MCTP1: variants seen among roughly 807,000 people sequenced by gnomAD.
MCTP1 encodes multiple C2 and transmembrane domain-containing protein 1.
A neutral mutation model predicts 120.6 loss-of-function variants in MCTP1; 69 were observed. That is an observed-to-expected ratio of 0.57 (90% CI 0.47 to 0.70). MCTP1 has a LOEUF of 0.70. Among genes scored for constraint, MCTP1 ranks in the 30% least tolerant of loss-of-function variants. MCTP1 has a pLI of 0.00. For missense variants in MCTP1, 1,203 were observed against 1,248.8 expected, an observed-to-expected ratio of 0.96 and a Z score of 0.55; for synonymous variants, 529 against 493.1, an observed-to-expected ratio of 1.07 and a Z score of -0.96.
At chr5:94,817,074 C>A (rs891441911) in intron 17 of MCTP1, among the ~76,000 whole-genome samples, 18 of 152,148 alleles carry the variant, frequency 1.2e-4, no homozygotes, top group Non-Finnish European at 1.8e-4. Flanking sequence ...CTTATCATCT[C>A]AAACCTTCAA....
intron 2 of MCTP1, among the ~76,000 whole-genome samples, chr5:94,976,349 G>A (rs1828105951): frequency 6.6e-6 from 1 of 152,120 alleles, no homozygotes; most frequent in South Asian, 2.1e-4. Flanking sequence ...TACTAGGGAG[G>A]CTGAGGCAGG....
At chr5:94,938,429 G>C (rs1240529566) in intron 5 of MCTP1, among the ~76,000 whole-genome samples, 1 of 151,946 alleles carries the variant, frequency 6.6e-6, no homozygotes, top group Admixed American at 6.6e-5. Flanking sequence ...CATGGCCTTT[G>C]TGTGTGTTGT....
intron 17 of MCTP1, among the ~76,000 whole-genome samples, chr5:94,841,108 G>A (rs551571035): frequency 6.6e-6 from 1 of 152,286 alleles, no homozygotes; most frequent in South Asian, 2.1e-4. Flanking sequence ...TGTGACCGAG[G>A]CTTAAAGGTG....
At chr5:94,760,415 A>G (rs930525510) in intron 19 of MCTP1, among the ~76,000 whole-genome samples, 27 of 152,178 alleles carry the variant, frequency 1.8e-4, no homozygotes, top group Non-Finnish European at 1.3e-4. Context: ...AGACTGCCAC[A>G]GCTGTATATT....
intron 18 of MCTP1, among the ~76,000 whole-genome samples, chr5:94,779,715 C>T (rs932359535): frequency 6.6e-6 from 1 of 151,946 alleles, no homozygotes; most frequent in African/African-American, 2.4e-5. Context: ...TTGTGGATTA[C>T]CCAAAACTCT....
chr5:94,767,872 A>G (rs539155669), intron 19 of MCTP1, among the ~76,000 whole-genome samples: 1 of 152,340 alleles, frequency 6.6e-6, no homozygotes, highest in South Asian at 2.1e-4. Context: ...TCAAAATACC[A>G]ATAACATTCT....
intron 1 of MCTP1, among the ~76,000 whole-genome samples, chr5:95,192,624 T>G (rs1749948652): frequency 6.6e-6 from 1 of 152,060 alleles, no homozygotes; most frequent in South Asian, 2.1e-4. Flanking sequence ...TTACTAAAAC[T>G]TAACAGAAAT....
chr5:95,063,534 T>C (rs1749805941), intron 1 of MCTP1, among the ~76,000 whole-genome samples: 1 of 152,240 alleles, frequency 6.6e-6, no homozygotes, highest in African/African-American at 2.4e-5. Flanking sequence ...CAAGGAAACA[T>C]TTATTTAATC....
At chr5:94,924,238 A>G (rs571076585) in intron 6 of MCTP1, among the ~76,000 whole-genome samples, 5 of 152,232 alleles carry the variant, frequency 3.3e-5, no homozygotes, top group Admixed American at 6.5e-5. Flanking sequence ...TAATTTTTTA[A>G]GAGTCCACTT....
At chr5:94,727,171 G>C (rs1022105210) in intron 19 of MCTP1, among the ~76,000 whole-genome samples, 2 of 152,328 alleles carry the variant, frequency 1.3e-5, no homozygotes, top group East Asian at 3.9e-4. Flanking sequence ...GGCTAGCATA[G>C]ACAAAACAGC....
At chr5:94,899,492 C>G (rs1036346786) in intron 10 of MCTP1, among the ~76,000 whole-genome samples, 1 of 152,204 alleles carries the variant, frequency 6.6e-6, no homozygotes, top group African/African-American at 2.4e-5. Context: ...GGCCTAGCCG[C>G]CATATACTTT....
chr5:94,943,109 T>C (rs1818119069), intron 3 of MCTP1, among the ~76,000 whole-genome samples: 3 of 152,112 alleles, frequency 2.0e-5, no homozygotes, highest in African/African-American at 7.2e-5. Context: ...CCTCTTGGAT[T>C]GTACATGGAG....
chr5:94,794,790 T>A (rs540094742), intron 18 of MCTP1, among the ~76,000 whole-genome samples: 17 of 152,318 alleles, frequency 1.1e-4, no homozygotes, highest in African/African-American at 3.4e-4. Context: ...TTTCCCTGAA[T>A]GAGAGATATA....
intron 1 of MCTP1, among the ~76,000 whole-genome samples, chr5:95,136,273 G>A (rs1349516758): frequency 2.0e-5 from 3 of 152,154 alleles, no homozygotes; most frequent in South Asian, 2.1e-4. Flanking sequence ...TTGCTCCTGT[G>A]TACTCCCCCA....
intron 1 of MCTP1, among the ~76,000 whole-genome samples, chr5:95,238,656 T>C (rs1448478224): frequency 1.3e-5 from 2 of 152,134 alleles, no homozygotes; most frequent in East Asian, 1.9e-4. Flanking sequence ...TAACCGAACA[T>C]GCAGCAGGAA....
Position 94,920,272 on chromosome 5 carries a change from G to GTTT in MCTP1, c.1273-2302_1273-2300dup, listed in dbSNP as rs5869657. ...TCTTGGGCCTGCCTTACAGAGACCT[G>GTTT]TTTTTTTTTTTTTTTTTTGAGACTG... On this transcript the variant is annotated intron_variant, in intron 7 of 22. Coordinates refer to ENST00000515393, the MANE Select transcript of MCTP1 (RefSeq NM_024717.7). 5.3e-3 allele frequency among the ~76,000 whole-genome samples: 682 copies of GTTT among 128,196 alleles called. 7 individuals are homozygous for GTTT. Among genetic ancestry groups the GTTT allele is most frequent in the African/African-American group, 0.015 (537 of 35,818 alleles). The allele number at this position is 128,196 out of a possible 152,430, so 84.1% of individuals were successfully genotyped here. A position where few individuals can be genotyped will look rare whatever the true frequency, so the allele number is the denominator to read the frequency against.
intron 19 of MCTP1, among the ~76,000 whole-genome samples, chr5:94,773,066 A>G (rs765416511): frequency 6.6e-6 from 1 of 152,208 alleles, no homozygotes; most frequent in African/African-American, 2.4e-5. Context: ...GTGGGCTATC[A>G]GTTCAATGGG....
chr5:94,716,744 TA>T (rs1759509451), intron 19 of MCTP1, among the ~76,000 whole-genome samples: 1 of 148,644 alleles, frequency 6.7e-6, no homozygotes, highest in Non-Finnish European at 1.5e-5. Context: ...ATTTACGAAA[TA>T]TATAAAAAGT....
chr5:95,067,924 C>T (rs1210552780), intron 1 of MCTP1, among the ~76,000 whole-genome samples: 1 of 152,152 alleles, frequency 6.6e-6, no homozygotes, highest in Non-Finnish European at 1.5e-5. Context: ...TACTTTTCAT[C>T]AACATCGACC....
Sources: allele counts gnomAD v4.1 joint callset (sites outside exome capture counted in the v4.1 genomes callset), GRCh38; gene constraint gnomAD v4.1.1; transcripts MANE v1.5; gene names NCBI Gene and HGNC (gene_info 2026-07-23, HGNC 2026-07-21).